Variants in NCAM2 observed in about 807,000 individuals in gnomAD.
NCAM2 encodes the protein neural cell adhesion molecule 2.
NCAM2 carries 30 observed loss-of-function variants against 98.1 expected under a neutral mutation model. The observed-to-expected ratio is 0.31, with a 90% CI of 0.23 to 0.41. The LOEUF is 0.41. NCAM2 is among the 10% of genes least tolerant of loss of function. The pLI, the probability that NCAM2 is intolerant of heterozygous loss-of-function variation, is 1.00. For synonymous variants in NCAM2, 368 were observed against 342.4 expected, an observed-to-expected ratio of 1.07 and a Z score of -0.83; for missense variants, 867 against 1,005.8, an observed-to-expected ratio of 0.86 and a Z score of 1.87.
chr21:21,239,057 G>T lies in NCAM2; in HGVS notation c.56-41521G>T, dbSNP rs985984355. Among the ~76,000 whole-genome samples the T allele has an allele frequency of 3.3e-5, 5 of 152,124 alleles. No homozygotes were observed. In the East Asian group the frequency reaches 9.7e-4, roughly 29 times the overall value. ...AGCATTTATTGAGCAATAAACGGGG[G>T]GTGGGGTTGACATTGTACAAAGATA... On this transcript the variant is annotated intron_variant, in intron 1 of 17. Coordinates refer to ENST00000400546, the MANE Select transcript of NCAM2 (RefSeq NM_004540.5).
chr21:21,372,611 GA>G (rs2148046240), intron 8 of NCAM2, among the ~76,000 whole-genome samples: 1 of 151,916 alleles, frequency 6.6e-6, no homozygotes, highest in African/African-American at 2.4e-5. Context: ...TAGAATGTCA[GA>G]AACGAAAATA....
intron 1 of NCAM2, among the ~76,000 whole-genome samples, chr21:21,197,243 C>T (rs1392128949): frequency 6.6e-6 from 1 of 152,200 alleles, no homozygotes; most frequent in Admixed American, 6.5e-5. Flanking sequence ...GATTTTCCTG[C>T]TTCAGCCTCC....
chr21:21,267,227 A>G (rs1328819900), intron 1 of NCAM2, among the ~76,000 whole-genome samples: 3 of 152,170 alleles, frequency 2.0e-5, no homozygotes, highest in Admixed American at 6.5e-5. Context: ...TTTTCTTAGC[A>G]TTGATTGAGA....
chr21:21,174,979 G>A (rs577042718), intron 1 of NCAM2, among the ~76,000 whole-genome samples: 7 of 152,134 alleles, frequency 4.6e-5, no homozygotes, highest in South Asian at 4.1e-4. Context: ...GACATGGAGC[G>A]TAATGGATAA....
At chr21:21,459,777 T>C (rs1004706202) in intron 12 of NCAM2, among the ~76,000 whole-genome samples, 4 of 151,698 alleles carry the variant, frequency 2.6e-5, no homozygotes, top group South Asian at 2.1e-4. Flanking sequence ...ATTTCAGTTA[T>C]GCAAGATGAA....
At chr21:21,107,009 C>T (rs564799248) in intron 1 of NCAM2, among the ~76,000 whole-genome samples, 8 of 151,940 alleles carry the variant, frequency 5.3e-5, no homozygotes, top group Non-Finnish European at 1.0e-4. Context: ...TTTATATTTG[C>T]CTTTTTAGAG....
intron 4 of NCAM2, among the ~76,000 whole-genome samples, chr21:21,289,755 C>T (rs756586792): frequency 2.6e-5 from 4 of 151,830 alleles, no homozygotes; most frequent in African/African-American, 2.4e-5. Context: ...TCTGCTACTA[C>T]GGAGTTTGTA....
intron 1 of NCAM2, among the ~76,000 whole-genome samples, chr21:21,056,633 A>G (rs2065219021): frequency 6.6e-6 from 1 of 151,928 alleles, no homozygotes; most frequent in Non-Finnish European, 1.5e-5. Context: ...TAAAGAAAAA[A>G]CAGAGGTGTG....
At chr21:21,163,768 ACTG>A (rs1484849775) in intron 1 of NCAM2, among the ~76,000 whole-genome samples, 1 of 152,162 alleles carries the variant, frequency 6.6e-6, no homozygotes, top group Non-Finnish European at 1.5e-5. Context: ...CACCATCATC[ACTG>A]CTATTTTTCA....
At chr21:21,276,308 A>G (rs1045367706) in intron 1 of NCAM2, among the ~76,000 whole-genome samples, 4 of 152,102 alleles carry the variant, frequency 2.6e-5, no homozygotes, top group African/African-American at 9.6e-5. Flanking sequence ...TTTGCAAAAT[A>G]CATATAGTTA....
intron 8 of NCAM2, among the ~76,000 whole-genome samples, chr21:21,360,284 T>C (rs1463764328): frequency 6.6e-6 from 1 of 151,976 alleles, no homozygotes; most frequent in Non-Finnish European, 1.5e-5. Context: ...ATGAACATAT[T>C]CATTTATAAG....
chr21:21,447,698 GA>G lies in NCAM2; in HGVS notation c.1654+15424del, dbSNP rs111226167. Among the ~76,000 whole-genome samples the G allele has an allele frequency of 3.7e-3, 557 of 151,926 alleles. 4 individuals carry two copies. The highest frequency in any genetic ancestry group is 0.013 in the African/African-American group (521 of 41,480). Reference sequence around the variant, plus strand: ...ACAAGGAACTTAAACAAATTTACAAGAAAAAAACAAACAACCCCATCAAAAA... The same window carrying G: ...ACAAGGAACTTAAACAAATTTACAAGAAAAAACAAACAACCCCATCAAAAA... On this transcript the variant is annotated intron_variant, in intron 12 of 17. Transcript: ENST00000400546.
chr21:21,374,346 TATA>T (rs1225142748), intron 9 of NCAM2, among the ~76,000 whole-genome samples: 2 of 151,920 alleles, frequency 1.3e-5, no homozygotes, highest in African/African-American at 2.4e-5. Flanking sequence ...TTTATTTCTT[TATA>T]ATATTTATGA....
chr21:21,305,342 A>C (rs1419488793), intron 5 of NCAM2, among the ~76,000 whole-genome samples: 3 of 152,050 alleles, frequency 2.0e-5, no homozygotes, highest in African/African-American at 4.8e-5. Context: ...ATAACAATAA[A>C]AATAATAATA....
At chr21:21,521,420 A>T (rs1251771754) in intron 16 of NCAM2, among the ~76,000 whole-genome samples, 1 of 152,194 alleles carries the variant, frequency 6.6e-6, no homozygotes, top group Admixed American at 6.5e-5. Flanking sequence ...CAAAAAACAC[A>T]GTTTGAAGAG....
At chr21:21,145,347 T>G (rs990817537) in intron 1 of NCAM2, among the ~76,000 whole-genome samples, 1 of 150,446 alleles carries the variant, frequency 6.6e-6, no homozygotes, top group Non-Finnish European at 1.5e-5. Context: ...TCTTGAGCAT[T>G]ACTTAGATGT....
At chr21:21,347,318 C>A in intron 8 of NCAM2, among the ~76,000 whole-genome samples, 1 of 151,762 alleles carries the variant, frequency 6.6e-6, no homozygotes, top group Non-Finnish European at 1.5e-5. Context: ...AAAAAACTTT[C>A]TAAAATTTAT....
chr21:21,419,695 A>G lies in NCAM2; in HGVS notation c.1480+1126A>G, dbSNP rs1381838276. Among the ~76,000 whole-genome samples, 11 of 151,736 alleles carry G rather than the reference A, an allele frequency of 7.2e-5. No individual in the cohort carries two copies. The East Asian group carries it at 2.1e-3, about 30-fold the overall frequency. Reference sequence around the variant, plus strand: ...TCCCTACAGAGGACATGAACTCTTCATTTTTTATGGCTGCATAGTATTCCA... The same window carrying G: ...TCCCTACAGAGGACATGAACTCTTCGTTTTTTATGGCTGCATAGTATTCCA... On this transcript the variant is annotated intron_variant, in intron 11 of 17. Coordinates refer to ENST00000400546, the MANE Select transcript of NCAM2 (RefSeq NM_004540.5).
chr21:21,521,350 C>T (rs1989005089), intron 16 of NCAM2, among the ~76,000 whole-genome samples: 1 of 152,124 alleles, frequency 6.6e-6, no homozygotes, highest in African/African-American at 2.4e-5. Context: ...ATTATATTTA[C>T]CCCTACTCAG....
Sources: gnomAD v4.1 joint callset for allele counts (sites outside exome capture counted in the v4.1 genomes callset) on GRCh38, gnomAD v4.1.1 for gene constraint, MANE v1.5 for transcripts, NCBI Gene and HGNC (gene_info 2026-07-23, HGNC 2026-07-21) for gene names.